SHISA9: variants seen among roughly 807,000 people sequenced by gnomAD.
SHISA9 encodes protein shisa-9.
Under a neutral mutation model 38.0 loss-of-function variants are expected in SHISA9, and 13 were observed. That is an observed-to-expected ratio of 0.34 (90% confidence interval 0.22 to 0.54). The LOEUF is 0.54. Ranked by LOEUF, SHISA9 falls within the 20% of genes least tolerant of loss-of-function variation. The pLI is 0.91. For synonymous variants in SHISA9, 275 were observed against 242.0 expected, an observed-to-expected ratio of 1.14 and a Z score of -1.27; for missense variants, 538 against 575.8, an observed-to-expected ratio of 0.93 and a Z score of 0.67.
At chr16:13,551,974 C>G in the SHISA9 span, among the ~76,000 whole-genome samples, 1 of 152,126 alleles carries the variant, frequency 6.6e-6, no homozygotes, top group South Asian at 2.1e-4. Context: ...TTGCAGTGAG[C>G]TGAGATCTCA....
the SHISA9 span, among the ~76,000 whole-genome samples, chr16:13,384,972 A>G: frequency 6.6e-6 from 1 of 152,246 alleles, no homozygotes; most frequent in Non-Finnish European, 1.5e-5. Flanking sequence ...TCCAAACTCA[A>G]AAGTAAAAAC....
intron 2 of SHISA9, among the ~76,000 whole-genome samples, chr16:12,958,514 G>T (rs2141788042): frequency 6.6e-6 from 1 of 152,324 alleles, no homozygotes; most frequent in East Asian, 1.9e-4. Context: ...GTATGTGCTG[G>T]ACACAATATG....
chr16:13,336,737 G>A, the SHISA9 span, among the ~76,000 whole-genome samples: 2 of 152,164 alleles, frequency 1.3e-5, no homozygotes, highest in Admixed American at 6.5e-5. Flanking sequence ...GTGGGTGGAT[G>A]TTCATCAGTG....
chr16:13,261,701 G>A, the SHISA9 span, among the ~76,000 whole-genome samples: 1 of 152,140 alleles, frequency 6.6e-6, no homozygotes, highest in Non-Finnish European at 1.5e-5. Context: ...ATTAATGGTG[G>A]CACTTGTCTA....
At chr16:13,557,217 C>A in the SHISA9 span, among the ~76,000 whole-genome samples, 1 of 152,210 alleles carries the variant, frequency 6.6e-6, no homozygotes, top group Non-Finnish European at 1.5e-5. Context: ...GAATTCAAAT[C>A]TCTTGCACTC....
the SHISA9 span, among the ~76,000 whole-genome samples, chr16:13,324,303 A>G: frequency 6.6e-6 from 1 of 152,162 alleles, no homozygotes; most frequent in African/African-American, 2.4e-5. Flanking sequence ...ACCTCTTAGC[A>G]GTATCTTTGC....
At chr16:13,143,449 T>C (rs995537130) in intron 2 of SHISA9, among the ~76,000 whole-genome samples, 1 of 152,038 alleles carries the variant, frequency 6.6e-6, no homozygotes, top group African/African-American at 2.4e-5. Flanking sequence ...CAACAGAAGG[T>C]GATTTGAATT....
chr16:13,304,007 T>A, the SHISA9 span, among the ~76,000 whole-genome samples: 1 of 152,056 alleles, frequency 6.6e-6, no homozygotes, highest in Non-Finnish European at 1.5e-5. Flanking sequence ...GGGAAACCCA[T>A]TGGAAATTAA....
chr16:13,356,218 C>T, the SHISA9 span, among the ~76,000 whole-genome samples: 5 of 152,048 alleles, frequency 3.3e-5, no homozygotes, highest in East Asian at 7.7e-4. Flanking sequence ...GTTTGAGGGC[C>T]GGAATTTAAT....
At chr16:13,276,434 T>G in the SHISA9 span, among the ~76,000 whole-genome samples, 1 of 152,112 alleles carries the variant, frequency 6.6e-6, no homozygotes, top group African/African-American at 2.4e-5. Flanking sequence ...AGATAGCCAG[T>G]AGTGGGATTG....
intron 2 of SHISA9, among the ~76,000 whole-genome samples, chr16:13,191,031 C>A (rs1461598904): frequency 6.6e-6 from 1 of 152,030 alleles, no homozygotes; most frequent in African/African-American, 2.4e-5. Context: ...TCTCTTTTGA[C>A]AAATTCAGGG....
Position 13,056,133 on chromosome 16 carries a change from G to A in SHISA9, c.691+139318G>A, listed in dbSNP as rs1446133443. ...AGCAGGTGCTTGGGAAATATTGGCTGAATTAATATATAGGATATAGGGGCC... is the reference window on the plus strand; with the variant it reads ...AGCAGGTGCTTGGGAAATATTGGCTAAATTAATATATAGGATATAGGGGCC... On this transcript the variant is annotated intron_variant, in intron 2 of 4. Coordinates refer to ENST00000558583, the MANE Select transcript of SHISA9 (RefSeq NM_001145204.3). Among the ~76,000 whole-genome samples, 3 of 152,288 alleles carry A rather than the reference G, an allele frequency of 2.0e-5. No homozygotes were observed. The East Asian group carries it at 5.8e-4, about 29-fold the overall frequency.
At chr16:12,954,406 A>G (rs2071801527) in intron 2 of SHISA9, among the ~76,000 whole-genome samples, 1 of 152,160 alleles carries the variant, frequency 6.6e-6, no homozygotes, top group Non-Finnish European at 1.5e-5. Flanking sequence ...AAAGGGTGAT[A>G]TGTTTGGATT....
chr16:13,504,953 A>G, the SHISA9 span, among the ~76,000 whole-genome samples: 1 of 152,152 alleles, frequency 6.6e-6, no homozygotes, highest in Non-Finnish European at 1.5e-5. Flanking sequence ...CTTTGTAGAT[A>G]ACAGCCTCAG....
intron 2 of SHISA9, among the ~76,000 whole-genome samples, chr16:12,974,815 G>C (rs901410862): frequency 2.6e-5 from 4 of 152,030 alleles, no homozygotes; most frequent in Non-Finnish European, 5.9e-5. Flanking sequence ...GGATTCTTAG[G>C]TTGCTTATTA....
chr16:13,063,124 A>T (rs1268865398), intron 2 of SHISA9, among the ~76,000 whole-genome samples: 2 of 152,120 alleles, frequency 1.3e-5, no homozygotes, highest in Non-Finnish European at 2.9e-5. Flanking sequence ...CTCCTGCCTC[A>T]GCCTCCCGAG....
At chr16:12,925,398 C>T (rs574306454) in intron 2 of SHISA9, among the ~76,000 whole-genome samples, 1 of 150,162 alleles carries the variant, frequency 6.7e-6, no homozygotes, top group East Asian at 2.0e-4. Context: ...TCTGTATGGT[C>T]CCCAGCATGT....
downstream of SHISA9, among the ~76,000 whole-genome samples, chr16:13,241,269 C>G (rs1210317143): frequency 3.9e-5 from 6 of 152,196 alleles, no homozygotes; most frequent in Admixed American, 3.9e-4. Flanking sequence ...AATTCCAGCA[C>G]TTTGGGAGGC....
the SHISA9 span, among the ~76,000 whole-genome samples, chr16:13,416,052 A>G: frequency 3.9e-5 from 6 of 152,184 alleles, no homozygotes; most frequent in Non-Finnish European, 4.4e-5. Context: ...GCCAGGATAT[A>G]TGACTGTGAT....
Sources: gnomAD v4.1 joint callset for allele counts (sites outside exome capture counted in the v4.1 genomes callset) on GRCh38, gnomAD v4.1.1 for gene constraint, MANE v1.5 for transcripts, NCBI Gene and HGNC (gene_info 2026-07-23, HGNC 2026-07-21) for gene names.